Variants in WWP1 observed in about 807,000 individuals in gnomAD.
WWP1 encodes WW domain containing E3 ubiquitin protein ligase 1.
WWP1 carries 49 observed loss-of-function variants against 130.6 expected under a neutral mutation model. The ratio of observed to expected loss-of-function variants is 0.38; its 90% confidence interval spans 0.30 to 0.48. The LOEUF (loss-of-function observed/expected upper bound fraction) is 0.48, where lower values mean the gene tolerates loss of function less well. Ranked by LOEUF, WWP1 falls within the 20% of genes least tolerant of loss-of-function variation. The pLI, the probability that WWP1 is intolerant of heterozygous loss-of-function variation, is 0.99. For synonymous variants in WWP1, 332 were observed against 367.8 expected (o/e 0.90, Z 1.11); for missense variants, 809 against 1,100.6 (o/e 0.74, Z 3.75).
chr8:86,405,281 C>G (rs1364371079), intron 8 of WWP1, among the ~76,000 whole-genome samples: 3 of 149,766 alleles, frequency 2.0e-5, no homozygotes, highest in Non-Finnish European at 4.4e-5. Context: ...CTTTTAATCT[C>G]TTAATCTGCA....
At chr8:86,414,959 A>G (rs1049419129) in intron 9 of WWP1, among the ~76,000 whole-genome samples, 11 of 140,206 alleles carry the variant, frequency 7.8e-5, no homozygotes, top group Admixed American at 3.0e-4. Flanking sequence ...AAATAATGAT[A>G]GAATGTTGGA....
chr8:86,354,485 G>T (rs1282748956), intron 1 of WWP1, among the ~76,000 whole-genome samples: 2 of 152,014 alleles, frequency 1.3e-5, no homozygotes, highest in African/African-American at 4.8e-5. Flanking sequence ...ATAAAGGATT[G>T]TGTCCCTGTA....
intron 17 of WWP1, among the ~76,000 whole-genome samples, chr8:86,439,548 C>T (rs1810485640): frequency 6.6e-6 from 1 of 151,954 alleles, no homozygotes; most frequent in Non-Finnish European, 1.5e-5. Context: ...ATGGAAATAT[C>T]ATAATTAATA....
chr8:86,452,768 T>C, intron 21 of WWP1, 89 bp downstream of exon 21: 1 of 1,484,320 alleles, frequency 6.7e-7, no homozygotes, highest in East Asian at 2.3e-5. Context: ...TCACACATTT[T>C]AAAATCCTGT....
At chr8:86,403,749 A>C (rs1442066586) in intron 8 of WWP1, among the ~76,000 whole-genome samples, 1 of 152,138 alleles carries the variant, frequency 6.6e-6, no homozygotes, top group Non-Finnish European at 1.5e-5. Context: ...CTTAAAAAAA[A>C]AAAAAGAAGT....
At chr8:86,351,881 C>T (rs1822950376) in intron 1 of WWP1, among the ~76,000 whole-genome samples, 1 of 151,998 alleles carries the variant, frequency 6.6e-6, no homozygotes, top group Admixed American at 6.6e-5. Flanking sequence ...TGATATGGTC[C>T]TTGAGAGTGG....
Position 86,370,855 on chromosome 8 carries a change from C to CTTTTTTTTTTTTT in WWP1, c.-22+1840_-22+1852dup, listed in dbSNP as rs555585296. On this transcript the variant is annotated intron_variant, in intron 2 of 24. Transcript: ENST00000517970. ...GGTATTGCTTATAGCTATATTCATTCTTTTTTTTTTTTTTTTTTTTTTTTT... is the reference window on the plus strand; with the variant it reads ...GGTATTGCTTATAGCTATATTCATTCTTTTTTTTTTTTTTTTTTTTTTTTTTTTTTTTTTTTTT... Among the ~76,000 whole-genome samples, 62 of 44,886 alleles carry CTTTTTTTTTTTTT rather than the reference C, an allele frequency of 1.4e-3. 14 individuals carry two copies. Among genetic ancestry groups the CTTTTTTTTTTTTT allele is most frequent in the Non-Finnish European group, 1.7e-3 (45 of 26,206 alleles). 29.4% of individuals were successfully genotyped at this position (44,886 alleles called of 152,430 possible). A position where few individuals can be genotyped will look rare whatever the true frequency, so the allele number is the denominator to read the frequency against.
chr8:86,452,437 TTA>T (rs1226813122), intron 20 of WWP1, 120 bp from the exon 21 acceptor site: 13 of 814,446 alleles, frequency 1.6e-5, no homozygotes, highest in Admixed American at 1.2e-4. Context: ...CACATCACAT[TTA>T]TATGTTTATA....
chr8:86,461,962 T>C (rs1811790952), intron 24 of WWP1, 116 bp downstream of exon 24: 1 of 787,524 alleles, frequency 1.3e-6, no homozygotes, highest in Admixed American at 2.5e-5. Context: ...AGTCAGAATT[T>C]CAATTTTGAG....
At chr8:86,424,531 A>G (rs1427379334) in intron 9 of WWP1, among the ~76,000 whole-genome samples, 4 of 151,992 alleles carry the variant, frequency 2.6e-5, no homozygotes, top group African/African-American at 9.7e-5. Context: ...CACTGAGTGA[A>G]CGAGACTCCG....
At position 86,381,514 on chromosome 8, in the gene WWP1, G is replaced by C; in HGVS notation, c.219G>C (p.Thr73=). The stretch of plus-strand genomic sequence containing the variant: ...AATTTTACCCTTCCAGAAATGTTAC[G>C]CCACAGACTACATTGGAATTTCAAG... ...KWDEQLTVNV[T]PQTTLEFQVW... The change falls in exon 5 of 25, where the codon ACG becomes ACC. Residue 73 remains threonine, a synonymous_variant. Transcript: ENST00000517970. 6.2e-7 allele frequency: 1 copy of C among 1,603,008 alleles called. No homozygotes were observed. The highest frequency in any genetic ancestry group is 8.5e-7 in the Non-Finnish European group (1 of 1,177,394).
Position 86,381,381 on chromosome 8 carries a change from C to T in WWP1, c.210-124C>T. 4 of 1,209,610 alleles carry T rather than the reference C, an allele frequency of 3.3e-6. No individual in the cohort carries two copies. The South Asian group carries it at 6.1e-5, about 19-fold the overall frequency. The allele number at this position is 1,209,610 out of a possible 1,614,324, so 74.9% of individuals were successfully genotyped here. A position where few individuals can be genotyped will look rare whatever the true frequency, so the allele number is the denominator to read the frequency against. On this transcript the variant is annotated intron_variant, in intron 4 of 24. Coordinates refer to ENST00000517970, the MANE Select transcript of WWP1 (RefSeq NM_007013.4). ...TCCTGTTTCATACAATATTTCTTCT[C>T]AAATAAATGAAATTCACGGTTTTTA...
rs368248479 is a variant in WWP1 at position 86,408,632 on chromosome 8, C to T, written c.725-2906C>T. 7.3e-4 allele frequency among the ~76,000 whole-genome samples: 111 copies of T among 152,248 alleles called. 1 individual carries two copies. Among genetic ancestry groups the T allele is most frequent in the African/African-American group, 2.5e-3 (105 of 41,544 alleles). ...AATGTTTTTTAAAGTGTTTTCTTCA[C>T]GCTGGTTGTGCAGTGGCTTACGCCT... is the stretch of plus-strand genomic sequence containing the variant. On this transcript the variant is annotated intron_variant, in intron 8 of 24. Coordinates refer to ENST00000517970, the MANE Select transcript of WWP1 (RefSeq NM_007013.4).
chr8:86,425,120 A>G (rs1241870521), intron 9 of WWP1, 103 bp from the exon 10 acceptor site: 2 of 761,516 alleles, frequency 2.6e-6, no homozygotes, highest in Non-Finnish European at 4.2e-6. Context: ...ATAGTCTTTT[A>G]ATGTAAAGCT....
intron 2 of WWP1, among the ~76,000 whole-genome samples, chr8:86,370,169 T>C (rs1406412118): frequency 1.3e-5 from 2 of 152,240 alleles, no homozygotes; most frequent in African/African-American, 4.8e-5. Flanking sequence ...TAATCATGTT[T>C]GTAGGCTTTT....
chr8:86,394,635 C>T (rs1001530303), intron 5 of WWP1, among the ~76,000 whole-genome samples: 7 of 152,100 alleles, frequency 4.6e-5, no homozygotes, highest in Admixed American at 1.3e-4. Flanking sequence ...CCTGGCACAC[C>T]GTAGGCACTC....
intron 9 of WWP1, among the ~76,000 whole-genome samples, chr8:86,423,623 T>C (rs1401079767): frequency 2.0e-5 from 3 of 152,214 alleles, no homozygotes; most frequent in Non-Finnish European, 4.4e-5. Flanking sequence ...TGTCTACTTC[T>C]TTCTACACAG....
At chr8:86,420,745 G>C (rs1809157202) in intron 9 of WWP1, among the ~76,000 whole-genome samples, 1 of 152,178 alleles carries the variant, frequency 6.6e-6, no homozygotes. Flanking sequence ...CTCACAGACT[G>C]TATGACTCTG....
At position 86,468,404 on chromosome 8, in the gene WWP1, C is replaced by A. The variant is rs1404482603; in HGVS notation, c.*1511C>A. The A allele has an allele frequency of 4.4e-6, 2 of 450,918 alleles. No individual in the cohort carries two copies. Among genetic ancestry groups the A allele is most frequent in the Admixed American group, 4.8e-5 (2 of 41,396 alleles). 27.9% of individuals were successfully genotyped at this position (450,918 alleles called of 1,614,324 possible). The stretch of plus-strand genomic sequence containing the variant: ...TCCTTTTCCAAATCCTTATTATGAA[C>A]ACTCTGGTAATTTTCAAGCCTAAAG... On this transcript the variant is annotated 3_prime_UTR_variant, in exon 25 of 25. Transcript: ENST00000517970.
Sources: gnomAD v4.1 joint callset for allele counts (sites outside exome capture counted in the v4.1 genomes callset) on GRCh38, gnomAD v4.1.1 for gene constraint, MANE v1.5 for transcripts, NCBI Gene and HGNC (gene_info 2026-07-23, HGNC 2026-07-21) for gene names.